The following EFNA2 variants were observed in gnomAD, a reference collection of about 807,000 sequenced individuals.
EFNA2 encodes the protein ephrin-A2.
In EFNA2, 18 loss-of-function variants were observed where a neutral mutation model predicts 19.7. The ratio of observed to expected loss-of-function variants is 0.91; its 90% confidence interval spans 0.63 to 1.35. The LOEUF (loss-of-function observed/expected upper bound fraction) is 1.35. EFNA2 is among the 40% of genes most tolerant of loss of function. The pLI, the probability that EFNA2 is intolerant of heterozygous loss-of-function variation, is 0.00. For synonymous variants in EFNA2, 187 were observed against 137.8 expected, an observed-to-expected ratio of 1.36 and a Z score of -2.50; for missense variants, 303 against 296.0, an observed-to-expected ratio of 1.02 and a Z score of -0.17.
At chr19:1,293,965 G>A (rs376071669) in intron 1 of EFNA2, among the ~76,000 whole-genome samples, 2 of 152,230 alleles carry the variant, frequency 1.3e-5, no homozygotes, top group Non-Finnish European at 2.9e-5. Flanking sequence ...TCGAGCTGCT[G>A]TGCCAATTAG....
Position 1,296,772 on chromosome 19 carries a change from C to T in EFNA2, c.454+914C>T, listed in dbSNP as rs753034452. Among the ~76,000 whole-genome samples the T allele has an allele frequency of 6.6e-6, 1 of 152,202 alleles. No individual in the cohort carries two copies. Among genetic ancestry groups the T allele is most frequent in the African/African-American group, 2.4e-5 (1 of 41,454 alleles). On this transcript the variant is annotated intron_variant, in intron 2 of 3. Coordinates refer to ENST00000215368, the MANE Select transcript of EFNA2 (RefSeq NM_001405.4). This position sits in a 1 kb window ranked among gnomAD's most constrained non-coding sequence, Gnocchi z 4.4. ...ATCTCCCCGGGACCCATGCCAGGCTCGGAGACTCCCTGAGGACCGTGGGGT... is the reference window on the plus strand; with the variant it reads ...ATCTCCCCGGGACCCATGCCAGGCTTGGAGACTCCCTGAGGACCGTGGGGT...
chr19:1,289,099 G>A (rs370249370), intron 1 of EFNA2, among the ~76,000 whole-genome samples: 30 of 152,372 alleles, frequency 2.0e-4, no homozygotes, highest in East Asian at 9.6e-4. Flanking sequence ...AGTCGCATCC[G>A]GCTGCAGGTT....
chr19:1,293,310 G>A (rs755161174), intron 1 of EFNA2, among the ~76,000 whole-genome samples: 10 of 152,210 alleles, frequency 6.6e-5, no homozygotes, highest in Non-Finnish European at 1.5e-4. Flanking sequence ...CTTCTGCATC[G>A]ATCGTGCCCA....
chr19:1,286,265 A>C lies in EFNA2; in HGVS notation c.97A>C (p.Asn33His). 8.9e-7 allele frequency: 1 copy of C among 1,117,472 alleles called. No homozygotes were observed. Among genetic ancestry groups the C allele is most frequent in the South Asian group, 2.0e-5 (1 of 49,860 alleles). The allele number at this position is 1,117,472 out of a possible 1,614,324, so 69.2% of individuals were successfully genotyped here. The part of the protein sequence containing the change: ...FARAEDAARA[N>H]SDRYAVYWNR... ...GCGCGCCGAGGACGCCGCCCGCGCCAACTCGGACCGCTACGCCGTCTACTG... is the reference window on the plus strand; with the variant it reads ...GCGCGCCGAGGACGCCGCCCGCGCCCACTCGGACCGCTACGCCGTCTACTG... Residue 33 changes from asparagine (N) to histidine (H), a missense_variant, in exon 1 of 4, where the codon AAC becomes CAC. Coordinates refer to ENST00000215368, the MANE Select transcript of EFNA2 (RefSeq NM_001405.4). The surrounding 1 kb of genome is among the most constrained non-coding windows in gnomAD (Gnocchi z 5.6).
At position 1,301,254 on chromosome 19, in the gene EFNA2, G is replaced by T. The variant is rs1336309566; in HGVS notation, c.*1309G>T. ...ATATAAATATATATTGTGTACGGCC[G>T]CCGGCCGGCGGCTCGAGGCACGCCC... On this transcript the variant is annotated 3_prime_UTR_variant, in exon 4 of 4. Coordinates refer to ENST00000215368, the MANE Select transcript of EFNA2 (RefSeq NM_001405.4). 3.4e-5 allele frequency among the ~76,000 whole-genome samples: 5 copies of T among 147,656 alleles called. No individual in the cohort carries two copies. Among genetic ancestry groups the T allele is most frequent in the African/African-American group, 1.2e-4 (5 of 40,290 alleles).
intron 3 of EFNA2, 120 bp from the exon 4 acceptor site, chr19:1,299,704 G>C: frequency 7.3e-7 from 1 of 1,371,908 alleles, no homozygotes; most frequent in Non-Finnish European, 9.6e-7. Context: ...AGGGAGCAGA[G>C]GGCCTGCCTG....
rs970141060 is a variant in EFNA2, at chr19:1,300,820, C to A, written c.*875C>A. On this transcript the variant is annotated 3_prime_UTR_variant, in exon 4 of 4. Transcript: ENST00000215368. ...AGCCCCCTACCCGTCCCCCTCGCCT[C>A]ACACGGTCCCTCTCCGAGGCCGAGA... Among the ~76,000 whole-genome samples, 2 of 151,774 alleles carry A rather than the reference C, an allele frequency of 1.3e-5. No homozygotes were observed. Among genetic ancestry groups the A allele is most frequent in the Admixed American group, 6.5e-5 (1 of 15,270 alleles).
rs893268320 is a variant in EFNA2 at position 1,296,035 on chromosome 19, G to T, written c.454+177G>T. Among the ~76,000 whole-genome samples, 3 of 145,514 alleles carry T rather than the reference G, an allele frequency of 2.1e-5. No homozygotes were observed. The East Asian group carries it at 5.9e-4, about 29-fold the overall frequency. The stretch of plus-strand genomic sequence containing the variant: ...GCGGGGCCGCGGAATGGGGCCAGGG[G>T]GGAGTGGGCGGGGCCGCGGAGTGGG... On this transcript the variant is annotated intron_variant, in intron 2 of 3. Transcript: ENST00000215368. This position sits in a 1 kb window ranked among gnomAD's most constrained non-coding sequence, Gnocchi z 4.4.
At position 1,287,036 on chromosome 19, in the gene EFNA2, G is replaced by T. The variant is rs2081468359; in HGVS notation, c.140+728G>T. Among the ~76,000 whole-genome samples, 1 of 152,190 alleles carries T rather than the reference G, an allele frequency of 6.6e-6. No individual in the cohort carries two copies. On this transcript the variant is annotated intron_variant, in intron 1 of 3. Transcript: ENST00000215368. The surrounding 1 kb of genome is among the most constrained non-coding windows in gnomAD (Gnocchi z 6.2). ...GGGACTTGGGGGCAGGACCCAGGTG[G>T]CCCAGTGCCCTGCCTGCCACGCCCG...
At chr19:1,291,310 C>G (rs187811367) in intron 1 of EFNA2, among the ~76,000 whole-genome samples, 1 of 152,344 alleles carries the variant, frequency 6.6e-6, no homozygotes, top group Non-Finnish European at 1.5e-5. Flanking sequence ...TACCCTCCTG[C>G]ACCACAAGGC....
At chr19:1,298,120 A>G (rs1009761360) in intron 2 of EFNA2, among the ~76,000 whole-genome samples, 15 of 150,086 alleles carry the variant, frequency 1.0e-4, no homozygotes, top group Non-Finnish European at 8.8e-5. Flanking sequence ...CAGAGAATCT[A>G]CTGTGTTGCC....
Position 1,286,903 on chromosome 19 carries a change from C to CA in EFNA2, c.140+596dup, listed in dbSNP as rs2081467644. 6.6e-6 allele frequency among the ~76,000 whole-genome samples: 1 copy of CA among 152,344 alleles called. No individual in the cohort carries two copies. Among genetic ancestry groups the CA allele is most frequent in the East Asian group, 1.9e-4 (1 of 5,178 alleles). ...ACTGAGGGGCCGGGGAGCTGGGGGT[C>CA]AGCCCCGGGAGGGGCAGTGGGATGG... On this transcript the variant is annotated intron_variant, in intron 1 of 3. Transcript: ENST00000215368. This position sits in a 1 kb window ranked among gnomAD's most constrained non-coding sequence, Gnocchi z 5.6.
chr19:1,284,958 A>G (rs1434863883), upstream of EFNA2, among the ~76,000 whole-genome samples: 1 of 152,242 alleles, frequency 6.6e-6, no homozygotes, highest in East Asian at 1.9e-4. This position sits in a 1 kb window ranked among gnomAD's most constrained non-coding sequence, Gnocchi z 5.3. Context: ...GGGCAAAAAC[A>G]GAGGGCAGGC....
At chr19:1,285,645 G>T (rs1233808600), upstream of EFNA2, among the ~76,000 whole-genome samples, 1 of 151,844 alleles carries the variant, frequency 6.6e-6, no homozygotes, top group Non-Finnish European at 1.5e-5. This position sits in a 1 kb window ranked among gnomAD's most constrained non-coding sequence, Gnocchi z 4.1. Context: ...CGGGAGGCAG[G>T]GTGCGCCCCC....
At chr19:1,298,520 T>G (rs2081526005) in intron 2 of EFNA2, 31 bp from the exon 3 acceptor site, 1 of 1,611,226 alleles carries the variant, frequency 6.2e-7, no homozygotes, top group Non-Finnish European at 8.5e-7. Flanking sequence ...AAGAGGCACT[T>G]CCCCACTCAT....
At chr19:1,288,920 G>A (rs183258650) in intron 1 of EFNA2, among the ~76,000 whole-genome samples, 5 of 152,340 alleles carry the variant, frequency 3.3e-5, no homozygotes, top group Admixed American at 3.3e-4. Context: ...GACCCGCATC[G>A]GGCTGGGGCG....
rs145835003 is a variant in EFNA2 at position 1,300,537 on chromosome 19, C to T, written c.*592C>T. Among the ~76,000 whole-genome samples, 1,418 of 149,760 alleles carry T rather than the reference C, an allele frequency of 9.5e-3. 2 individuals are homozygous for T. The highest frequency in any genetic ancestry group is 0.027 in the Middle Eastern group (8 of 292). On this transcript the variant is annotated 3_prime_UTR_variant, in exon 4 of 4. Transcript: ENST00000215368. ...CACCCCACTCGTGGGGGAACACAGC[C>T]GCTCCCCTCTGCTCTGCACCCCACT...
At position 1,286,990 on chromosome 19, in the gene EFNA2, G is replaced by A. The variant is rs2081468084; in HGVS notation, c.140+682G>A. On this transcript the variant is annotated intron_variant, in intron 1 of 3. Transcript: ENST00000215368. The surrounding 1 kb of genome is among the most constrained non-coding windows in gnomAD (Gnocchi z 5.6). The stretch of plus-strand genomic sequence containing the variant: ...TGAGGTGCAGAGGGGATGAGGAGCT[G>A]GCTCAAGGTCATGCAAGGGGGGGAC... Among the ~76,000 whole-genome samples, 1 of 152,192 alleles carries A rather than the reference G, an allele frequency of 6.6e-6. No individual in the cohort carries two copies. The highest frequency in any genetic ancestry group is 2.4e-5 in the African/African-American group (1 of 41,456).
intron 3 of EFNA2, 55 bp from the exon 4 acceptor site, chr19:1,299,769 G>A: frequency 6.5e-7 from 1 of 1,542,984 alleles, no homozygotes; most frequent in South Asian, 1.2e-5. Flanking sequence ...GCGGCACGTG[G>A]GGAGCCCAGT....
Sources: allele counts gnomAD v4.1 joint callset (sites outside exome capture counted in the v4.1 genomes callset), GRCh38; gene constraint gnomAD v4.1.1; non-coding constraint Gnocchi (gnomAD v3.1); transcripts MANE v1.5; gene names NCBI Gene and HGNC (gene_info 2026-07-23, HGNC 2026-07-21).